Variants in KDM4C observed in about 807,000 individuals in gnomAD.
The protein encoded by KDM4C is lysine demethylase 4C, also known as lysine-specific demethylase 4C.
KDM4C carries 81 observed loss-of-function variants against 129.3 expected under a neutral mutation model. That is an observed-to-expected ratio of 0.63 (90% CI 0.52 to 0.75). The LOEUF is 0.75. Among genes scored for constraint, KDM4C ranks in the 30% least tolerant of loss-of-function variants. The pLI is 0.00. For synonymous variants in KDM4C, 573 were observed against 456.1 expected (o/e 1.26, Z -3.26); for missense variants, 1,457 against 1,304.0 (o/e 1.12, Z -1.81).
intron 7 of KDM4C, among the ~76,000 whole-genome samples, chr9:6,892,628 C>T (rs754135510): frequency 2.0e-5 from 3 of 152,136 alleles, no homozygotes; most frequent in Non-Finnish European, 4.4e-5. Context: ...TGATGAATAT[C>T]ACCAACTCTT....
At chr9:6,806,866 C>T (rs919311546) in intron 3 of KDM4C, among the ~76,000 whole-genome samples, 1 of 143,504 alleles carries the variant, frequency 7.0e-6, no homozygotes, top group Admixed American at 6.8e-5. Context: ...GTTGCTCTCC[C>T]TCTCCGTCTC....
At chr9:6,763,330 G>A (rs1819953902) in intron 1 of KDM4C, among the ~76,000 whole-genome samples, 1 of 152,110 alleles carries the variant, frequency 6.6e-6, no homozygotes, top group Non-Finnish European at 1.5e-5. Context: ...TACCCCAGTT[G>A]CACTTCTTTG....
chr9:6,984,269 A>G lies in KDM4C; in HGVS notation c.1219A>G (p.Thr407Ala), dbSNP rs1246358398. ...AGAGGTCCCTAACCCCGACTCAGTC[A>G]CAGATGACCTCAAGGTCAGTGAAAA... ...GAEVPNPDSV[T>A]DDLKVSEKSE... Residue 407 changes from threonine (T) to alanine (A), a missense_variant, in exon 10 of 22, where the codon ACA (threonine) becomes GCA (alanine). Coordinates refer to ENST00000381309, the MANE Select transcript of KDM4C (RefSeq NM_015061.6). 6.2e-7 allele frequency: 1 copy of G among 1,614,026 alleles called. No individual in the cohort carries two copies. The highest frequency in any genetic ancestry group is 1.7e-5 in the Admixed American group (1 of 60,014).
chr9:6,989,966 C>T (rs1444121323), intron 11 of KDM4C, among the ~76,000 whole-genome samples: 1 of 150,216 alleles, frequency 6.7e-6, no homozygotes, highest in African/African-American at 2.5e-5. Flanking sequence ...ATTATTGACA[C>T]AGAGTCTCCC....
chr9:7,119,076 A>C (rs578057449), intron 18 of KDM4C, among the ~76,000 whole-genome samples: 18 of 152,308 alleles, frequency 1.2e-4, no homozygotes, highest in Non-Finnish European at 1.9e-4. Flanking sequence ...GCATATGTCC[A>C]CTTGAGTATT....
intron 1 of KDM4C, among the ~76,000 whole-genome samples, chr9:6,774,600 G>A (rs899317989): frequency 2.0e-5 from 3 of 152,192 alleles, no homozygotes; most frequent in Non-Finnish European, 4.4e-5. Flanking sequence ...GGGAGGTGGA[G>A]ATTGCAGTAA....
chr9:7,054,902 A>C (rs1830663644), intron 17 of KDM4C, among the ~76,000 whole-genome samples: 1 of 152,212 alleles, frequency 6.6e-6, no homozygotes, highest in Non-Finnish European at 1.5e-5. Context: ...TGAATATTTA[A>C]ATATTAAATC....
At chr9:7,118,935 A>G (rs1036195230) in intron 18 of KDM4C, among the ~76,000 whole-genome samples, 5 of 152,114 alleles carry the variant, frequency 3.3e-5, no homozygotes, top group African/African-American at 1.2e-4. Context: ...TATACGGCCA[A>G]AGCAAAGAAT....
intron 15 of KDM4C, among the ~76,000 whole-genome samples, chr9:7,040,918 T>C (rs1587163979): frequency 6.6e-6 from 1 of 152,006 alleles, no homozygotes; most frequent in African/African-American, 2.4e-5. Flanking sequence ...TGTAGGTTGA[T>C]ATCTTTTATC....
At chr9:7,167,852 G>A (rs1278653641) in intron 20 of KDM4C, among the ~76,000 whole-genome samples, 4 of 152,180 alleles carry the variant, frequency 2.6e-5, no homozygotes, top group Admixed American at 6.5e-5. Flanking sequence ...TTAGTGCAAA[G>A]TGCAGCGATA....
chr9:6,834,482 C>G (rs543934835), intron 4 of KDM4C: 1 of 590,602 alleles, frequency 1.7e-6, no homozygotes, highest in Non-Finnish European at 3.2e-6. Flanking sequence ...CTACGCCCGT[C>G]GTCGACAACG....
chr9:7,111,490 A>G (rs1205543439), intron 18 of KDM4C, among the ~76,000 whole-genome samples: 1 of 152,154 alleles, frequency 6.6e-6, no homozygotes, highest in East Asian at 1.9e-4. Flanking sequence ...AGATGAGGAA[A>G]TGGAAACAGA....
At chr9:7,171,197 T>C (rs907156173) in intron 21 of KDM4C, among the ~76,000 whole-genome samples, 1 of 152,060 alleles carries the variant, frequency 6.6e-6, no homozygotes. Context: ...GGAGTGGTGG[T>C]ATTGCTGCCC....
At chr9:6,990,356 T>A (rs576756261) in intron 11 of KDM4C, 60 bp from the exon 12 acceptor site, 8 of 1,121,300 alleles carry the variant, frequency 7.1e-6, no homozygotes, top group Middle Eastern at 2.0e-4. Context: ...GTAGGGTTTT[T>A]TTTTTTTGTA....
At chr9:7,039,194 T>C (rs1010789494) in intron 15 of KDM4C, among the ~76,000 whole-genome samples, 3 of 152,006 alleles carry the variant, frequency 2.0e-5, no homozygotes, top group African/African-American at 7.2e-5. Flanking sequence ...GTATATTTTT[T>C]ATGAGTGAGG....
At chr9:6,744,012 T>A (rs1817793350) in intron 1 of KDM4C, among the ~76,000 whole-genome samples, 1 of 151,024 alleles carries the variant, frequency 6.6e-6, no homozygotes, top group Admixed American at 6.6e-5. Flanking sequence ...CCTCCCAAAT[T>A]ATTGGGATTA....
At chr9:6,813,510 T>C (rs943959210) in intron 3 of KDM4C, among the ~76,000 whole-genome samples, 6 of 152,218 alleles carry the variant, frequency 3.9e-5, no homozygotes, top group African/African-American at 1.4e-4. Context: ...GTATAGTGAG[T>C]GTAGATGTCG....
chr9:7,141,328 T>TA (rs1237061024), intron 19 of KDM4C, among the ~76,000 whole-genome samples: 1 of 151,858 alleles, frequency 6.6e-6, no homozygotes, highest in Non-Finnish European at 1.5e-5. Context: ...ATACAGACTA[T>TA]AAGAGACTAT....
intron 1 of KDM4C, chr9:6,749,004 A>C (rs767143432): frequency 9.3e-6 from 7 of 749,666 alleles, no homozygotes; most frequent in Non-Finnish European, 1.5e-5. Context: ...CAAAGAGCAC[A>C]CTTGCAAGCT....
Sources: allele counts gnomAD v4.1 joint callset (sites outside exome capture counted in the v4.1 genomes callset), GRCh38; gene constraint gnomAD v4.1.1; transcripts MANE v1.5; gene names NCBI Gene and HGNC (gene_info 2026-07-23, HGNC 2026-07-21).